ADGRL2: variants seen among roughly 807,000 people sequenced by gnomAD.
The protein encoded by ADGRL2 is adhesion G protein-coupled receptor L2, also known as calcium-independent alpha-latrotoxin receptor 2.
A neutral mutation model predicts 157.4 loss-of-function variants in ADGRL2; 44 were observed. That is an observed-to-expected ratio of 0.28 (90% CI 0.22 to 0.36). The LOEUF (loss-of-function observed/expected upper bound fraction) is 0.36, where lower values mean the gene tolerates loss of function less well. Ranked by LOEUF, ADGRL2 falls within the 10% of genes least tolerant of loss-of-function variation. The probability of loss-of-function intolerance (pLI) is 1.00; values close to 1 mark genes in which losing one functional copy is unlikely to be tolerated. For synonymous variants in ADGRL2, 585 were observed against 624.7 expected, an observed-to-expected ratio of 0.94 and a Z score of 0.95; for missense variants, 1,510 against 1,768.9, an observed-to-expected ratio of 0.85 and a Z score of 2.63.
intron 2 of ADGRL2, among the ~76,000 whole-genome samples, chr1:81,580,674 T>C (rs1368573559): frequency 6.6e-6 from 1 of 152,170 alleles, no homozygotes. Flanking sequence ...GCATTGTTGA[T>C]TTCCTTCTGT....
chr1:81,894,351 A>G (rs1379742733), intron 2 of ADGRL2, among the ~76,000 whole-genome samples: 6 of 152,008 alleles, frequency 3.9e-5, no homozygotes, highest in Admixed American at 3.9e-4. Flanking sequence ...TGTTTTATTT[A>G]TTCTTCTATT....
intron 2 of ADGRL2, among the ~76,000 whole-genome samples, chr1:81,471,926 A>G (rs1453108576): frequency 1.3e-5 from 2 of 152,224 alleles, no homozygotes; most frequent in Non-Finnish European, 2.9e-5. Context: ...TTGATTAAAT[A>G]TAATTTAAAA....
At chr1:81,826,316 G>A (rs543213737) in intron 1 of ADGRL2, among the ~76,000 whole-genome samples, 1 of 152,322 alleles carries the variant, frequency 6.6e-6, no homozygotes. Context: ...TGCTAAATTA[G>A]TATATTGGTC....
chr1:81,782,200 AC>A (rs2149384774), intron 2 of ADGRL2, among the ~76,000 whole-genome samples: 1 of 152,342 alleles, frequency 6.6e-6, no homozygotes, highest in South Asian at 2.1e-4. Context: ...AAATAAAGTA[AC>A]ATTAAAATGT....
At chr1:81,439,231 G>T (rs2077463504) in intron 1 of ADGRL2, among the ~76,000 whole-genome samples, 1 of 152,072 alleles carries the variant, frequency 6.6e-6, no homozygotes, top group Non-Finnish European at 1.5e-5. Context: ...CATCTGTAGG[G>T]TTTCTATCTT....
chr1:81,586,446 A>G (rs2081028261), intron 3 of ADGRL2: 1 of 152,038 alleles, frequency 6.6e-6, no homozygotes, highest in Non-Finnish European at 1.5e-5. Context: ...CACATTAACC[A>G]TTGTGTTTGC....
chr1:81,489,167 G>A (rs1360054842), intron 2 of ADGRL2, among the ~76,000 whole-genome samples: 1 of 152,038 alleles, frequency 6.6e-6, no homozygotes, highest in Non-Finnish European at 1.5e-5. Context: ...AACCTGGGAG[G>A]TGGAGGTTGC....
intron 2 of ADGRL2, among the ~76,000 whole-genome samples, chr1:81,578,890 T>A (rs1284154084): frequency 6.6e-6 from 1 of 152,172 alleles, no homozygotes. Flanking sequence ...GATTTACATA[T>A]GGCACTTGAA....
At chr1:81,791,546 C>G (rs760959307) in intron 2 of ADGRL2, among the ~76,000 whole-genome samples, 3 of 151,734 alleles carry the variant, frequency 2.0e-5, no homozygotes, top group Non-Finnish European at 2.9e-5. Context: ...GAAATAAAAT[C>G]TGAATGAATC....
chr1:81,747,151 G>GTATATATGTATACATATATACA (rs2085312560), intron 1 of ADGRL2, among the ~76,000 whole-genome samples: 1 of 137,054 alleles, frequency 7.3e-6, no homozygotes. Flanking sequence ...ACATATATAC[G>GTATATATGTATACATATATACA]TATATATGTA....
At chr1:81,983,136 A>C (rs1662135241) in intron 19 of ADGRL2, among the ~76,000 whole-genome samples, 1 of 151,936 alleles carries the variant, frequency 6.6e-6, no homozygotes, top group African/African-American at 2.4e-5. Flanking sequence ...GCAGAAAAGG[A>C]GTGAGGTAGT....
chr1:81,696,594 T>TA (rs991770017), upstream of ADGRL2, among the ~76,000 whole-genome samples: 1 of 151,674 alleles, frequency 6.6e-6, no homozygotes, highest in African/African-American at 2.4e-5. Flanking sequence ...CTACTAAAAA[T>TA]ACAAAAAATT....
intron 3 of ADGRL2, among the ~76,000 whole-genome samples, chr1:81,684,922 C>T (rs138846633): frequency 0.015 from 2,235 of 152,142 alleles, 59 homozygotes; most frequent in African/African-American, 0.051. Flanking sequence ...TTTTTGTTTG[C>T]TTTGTTGAAG....
chr1:81,895,439 C>T (rs982202915), intron 2 of ADGRL2, among the ~76,000 whole-genome samples: 2 of 128,500 alleles, frequency 1.6e-5, no homozygotes, highest in African/African-American at 5.6e-5. Context: ...ACTCTTGTTG[C>T]CCAGGCTGGA....
intron 23 of ADGRL2, among the ~76,000 whole-genome samples, chr1:81,989,383 C>A (rs970079489): frequency 6.6e-6 from 1 of 152,142 alleles, no homozygotes; most frequent in Non-Finnish European, 1.5e-5. Context: ...CTATCTTGTA[C>A]AGTGGACTCT....
At chr1:81,689,463 G>T (rs2083290351) in intron 3 of ADGRL2, among the ~76,000 whole-genome samples, 1 of 152,174 alleles carries the variant, frequency 6.6e-6, no homozygotes, top group Non-Finnish European at 1.5e-5. Flanking sequence ...GCCAAGAAAA[G>T]AACTCAACTA....
intron 1 of ADGRL2, among the ~76,000 whole-genome samples, chr1:81,824,948 C>CTCTCTCT (rs376218878): frequency 7.8e-6 from 1 of 127,976 alleles, no homozygotes; most frequent in African/African-American, 3.0e-5. Context: ...TTTTAATTCT[C>CTCTCTCT]CTCTCTCTCT....
rs114384443 is a variant in ADGRL2, at chr1:81,563,061, A to G, written c.-247-17815A>G. 2.7e-3 allele frequency among the ~76,000 whole-genome samples: 405 copies of G among 152,284 alleles called. 5 individuals carry two copies. The highest frequency in any genetic ancestry group is 9.5e-3 in the African/African-American group (393 of 41,570). On this transcript the variant is annotated intron_variant, in intron 2 of 24. Transcript: ENST00000370721. Reference sequence around the variant, plus strand: ...CTGGTGCTGTAATACACTGTATTTAACTGTCAATATCTATAAACATTTCTC... The same window carrying G: ...CTGGTGCTGTAATACACTGTATTTAGCTGTCAATATCTATAAACATTTCTC...
intron 2 of ADGRL2, among the ~76,000 whole-genome samples, chr1:81,883,652 T>A (rs1571898861): frequency 6.6e-6 from 1 of 152,196 alleles, no homozygotes. Flanking sequence ...CACAGAACTT[T>A]TGTTTTACAT....
Sources: gnomAD v4.1 joint callset for allele counts (sites outside exome capture counted in the v4.1 genomes callset) on GRCh38, gnomAD v4.1.1 for gene constraint, MANE v1.5 for transcripts, NCBI Gene and HGNC (gene_info 2026-07-23, HGNC 2026-07-21) for gene names.